Variants in ZC3H13 observed in about 807,000 individuals in gnomAD.
ZC3H13 encodes zinc finger CCCH domain-containing protein 13.
ZC3H13 carries 64 observed loss-of-function variants against 204.1 expected under a neutral mutation model. The ratio of observed to expected loss-of-function variants is 0.31; its 90% CI spans 0.26 to 0.39. The LOEUF (loss-of-function observed/expected upper bound fraction) is 0.39, where lower values mean the gene tolerates loss of function less well. Ranked by LOEUF, ZC3H13 falls within the 10% of genes least tolerant of loss-of-function variation. The pLI is 1.00. For missense variants in ZC3H13, 1,833 were observed against 2,082.7 expected (o/e 0.88, Z 2.33); for synonymous variants, 667 against 693.7 (o/e 0.96, Z 0.60).
intron 6 of ZC3H13, among the ~76,000 whole-genome samples, chr13:46,011,056 C>A (rs192761242): frequency 2.0e-5 from 3 of 152,104 alleles, no homozygotes; most frequent in African/African-American, 7.2e-5. Flanking sequence ...TCAGAAAAAT[C>A]ATAAATTATA....
chr13:45,959,026 A>T (rs1951487046), intron 18 of ZC3H13, among the ~76,000 whole-genome samples: 1 of 152,120 alleles, frequency 6.6e-6, no homozygotes, highest in African/African-American at 2.4e-5. Context: ...TCATTAACAG[A>T]TCTCTTCCAA....
rs1315394813 is a variant in ZC3H13 at position 45,967,326 on chromosome 13, A to AT, written c.4321+177_4321+178insA. Among the ~76,000 whole-genome samples the AT allele has an allele frequency of 1.7e-4, 26 of 152,300 alleles. No individual in the cohort carries two copies. The East Asian group carries it at 5.0e-3, about 29-fold the overall frequency. On this transcript the variant is annotated intron_variant, in intron 15 of 18. Coordinates refer to ENST00000679008, the MANE Select transcript of ZC3H13 (RefSeq NM_001330564.2). ...ACTGCTAAGGGGACCACATTAAAAA[A>AT]ATATATATATCTCTATCTTACAGGC...
At position 45,979,984 on chromosome 13, in the gene ZC3H13, A is replaced by G; in HGVS notation, c.1741T>C (p.Ser581Pro). ...PEKGSRGSRGSQIDSHSSNSN... is the reference protein window; with the variant it reads ...PEKGSRGSRGPQIDSHSSNSN... ...TTACTACTGTGACTATCAATTTGAG[A>G]ACCTCTTGAGCCTCGACTTCCTAAA... The change falls in exon 11 of 19, where the codon TCT (serine) becomes CCT (proline). Residue 581 changes from serine to proline, a missense_variant. Coordinates refer to ENST00000679008, the MANE Select transcript of ZC3H13 (RefSeq NM_001330564.2). 6.2e-7 allele frequency: 1 copy of G among 1,604,848 alleles called. No homozygotes were observed. Among genetic ancestry groups the G allele is most frequent in the Non-Finnish European group, 8.5e-7 (1 of 1,176,702 alleles).
At chr13:46,019,603 G>GGGCAC (rs1277683084) in intron 5 of ZC3H13, among the ~76,000 whole-genome samples, 8 of 152,240 alleles carry the variant, frequency 5.3e-5, no homozygotes, top group Non-Finnish European at 1.0e-4. Flanking sequence ...TGACATTACA[G>GGGCAC]TGCCCATCTT....
intron 12 of ZC3H13, 36 bp downstream of exon 12, chr13:45,975,247 T>C (rs758924336): frequency 1.9e-6 from 3 of 1,573,356 alleles, no homozygotes; most frequent in South Asian, 1.2e-5. Context: ...TTTCCTGAAA[T>C]GTAAAATGTT....
At chr13:46,051,768 C>A (rs1450661622) in intron 1 of ZC3H13, among the ~76,000 whole-genome samples, 1 of 152,154 alleles carries the variant, frequency 6.6e-6, no homozygotes, top group Non-Finnish European at 1.5e-5. Flanking sequence ...GACTACCCTT[C>A]ACAAACAACA....
At chr13:46,047,031 A>G (rs550305647) in intron 1 of ZC3H13, among the ~76,000 whole-genome samples, 2 of 152,318 alleles carry the variant, frequency 1.3e-5, no homozygotes, top group African/African-American at 4.8e-5. Flanking sequence ...GTCTCTATAA[A>G]GATCACAAAT....
chr13:46,038,327 T>A (rs1418281132), intron 4 of ZC3H13, among the ~76,000 whole-genome samples: 2 of 152,246 alleles, frequency 1.3e-5, no homozygotes, highest in Admixed American at 1.3e-4. Flanking sequence ...CCAGTCCAAG[T>A]GTCATTTTCC....
intron 15 of ZC3H13, among the ~76,000 whole-genome samples, chr13:45,965,807 T>C (rs977026825): frequency 6.6e-6 from 1 of 152,128 alleles, no homozygotes; most frequent in Admixed American, 6.5e-5. Flanking sequence ...TGAAGTTATA[T>C]TTTCAAATTT....
At chr13:46,030,902 C>T (rs1047652130) in intron 4 of ZC3H13, among the ~76,000 whole-genome samples, 2 of 152,080 alleles carry the variant, frequency 1.3e-5, no homozygotes, top group African/African-American at 4.8e-5. Context: ...ATGTAATCCC[C>T]ACCAAAAAAC....
In ZC3H13 at chr13:46,014,281, C is replaced by G. The variant is rs199888586; in HGVS notation, c.449-2727G>C. 5.9e-5 allele frequency among the ~76,000 whole-genome samples: 9 copies of G among 151,980 alleles called. No homozygotes were observed. The East Asian group carries it at 1.7e-3, about 29-fold the overall frequency. ...GTACCTATAGGTACAGGTTGATGTA[C>G]CTATCAACCTGTCATCTAGGTTTTA... On this transcript the variant is annotated intron_variant, in intron 5 of 18. Coordinates refer to ENST00000679008, the MANE Select transcript of ZC3H13 (RefSeq NM_001330564.2).
At chr13:45,986,090 G>C (rs1264880864) in intron 9 of ZC3H13, among the ~76,000 whole-genome samples, 4 of 152,146 alleles carry the variant, frequency 2.6e-5, no homozygotes, top group Non-Finnish European at 2.9e-5. Context: ...TAGATACAAA[G>C]ACACTTCAGT....
At chr13:45,971,869 GACAT>G (rs1445568703) in intron 12 of ZC3H13, among the ~76,000 whole-genome samples, 2 of 151,994 alleles carry the variant, frequency 1.3e-5, no homozygotes, top group African/African-American at 4.8e-5. Flanking sequence ...CTCAAAAGAA[GACAT>G]ACAAACAGCC....
chr13:45,959,640 T>C lies in ZC3H13; in HGVS notation c.4682A>G (p.Asp1561Gly). The C allele has an allele frequency of 6.6e-7, 1 of 1,513,530 alleles. No homozygotes were observed. The highest frequency in any genetic ancestry group is 8.8e-7 in the Non-Finnish European group (1 of 1,132,966). The allele number at this position is 1,513,530 out of a possible 1,614,324, so 93.8% of individuals were successfully genotyped here. A position where few individuals can be genotyped will look rare whatever the true frequency, so the allele number is the denominator to read the frequency against. ...QRLLEKPKDA[D>G]NLFEHELGAL... ...CCCCAATTCATGTTCAAAGAGATTG[T>C]CTGCATCTTTCAAAAAAAAGTAAAC... The change falls in exon 18 of 19, where the codon GAC becomes GGC. Residue 1561 changes from aspartate (D) to glycine (G), a missense_variant. Asp to Gly is a moderately conservative substitution (Grantham distance 94, BLOSUM62 -1). Transcript: ENST00000679008.
intron 4 of ZC3H13, among the ~76,000 whole-genome samples, chr13:46,031,201 G>T (rs887268425): frequency 1.3e-5 from 2 of 152,006 alleles, no homozygotes; most frequent in Non-Finnish European, 2.9e-5. Context: ...AACAAATCAT[G>T]CTGAAACAAC....
chr13:46,030,206 T>G (rs919936784), intron 4 of ZC3H13, among the ~76,000 whole-genome samples: 1 of 152,152 alleles, frequency 6.6e-6, no homozygotes, highest in Non-Finnish European at 1.5e-5. Flanking sequence ...CTTGGTAAAT[T>G]AGAAACAGCG....
chr13:46,005,874 G>T (rs184550226), intron 7 of ZC3H13, among the ~76,000 whole-genome samples: 1 of 151,972 alleles, frequency 6.6e-6, no homozygotes, highest in Non-Finnish European at 1.5e-5. Context: ...TGGGCGGATC[G>T]TGAGGCGGTC....
At chr13:45,994,959 T>C (rs571550764) in intron 8 of ZC3H13, among the ~76,000 whole-genome samples, 2 of 146,186 alleles carry the variant, frequency 1.4e-5, no homozygotes, top group South Asian at 4.8e-4. Flanking sequence ...GGCCTGGAAG[T>C]CCCATCTAGT....
At chr13:45,971,693 A>C (rs1952597050) in intron 12 of ZC3H13, among the ~76,000 whole-genome samples, 1 of 152,174 alleles carries the variant, frequency 6.6e-6, no homozygotes, top group Non-Finnish European at 1.5e-5. Flanking sequence ...GCTTCTGCAC[A>C]GCAAAATAAA....
Sources: allele counts gnomAD v4.1 joint callset (sites outside exome capture counted in the v4.1 genomes callset), GRCh38; gene constraint gnomAD v4.1.1; transcripts MANE v1.5; gene names NCBI Gene and HGNC (gene_info 2026-07-23, HGNC 2026-07-21).